Variants in LRCH1 observed in about 807,000 individuals in gnomAD.
LRCH1 encodes the protein leucine-rich repeat and calponin homology domain-containing protein 1.
LRCH1 carries 23 observed loss-of-function variants against 94.9 expected under a neutral mutation model. The observed-to-expected ratio is 0.24, with a 90% CI of 0.17 to 0.34. The LOEUF is 0.34. Ranked by LOEUF, LRCH1 falls within the 10% of genes least tolerant of loss-of-function variation. The pLI, the probability that LRCH1 is intolerant of heterozygous loss-of-function variation, is 1.00. For missense variants in LRCH1, 790 were observed against 945.9 expected (o/e 0.84, Z 2.16); for synonymous variants, 364 against 354.9 (o/e 1.03, Z -0.29).
chr13:46,556,508 G>A (rs939779712), intron 1 of LRCH1, among the ~76,000 whole-genome samples: 1 of 152,142 alleles, frequency 6.6e-6, no homozygotes, highest in Non-Finnish European at 1.5e-5. Context: ...TGCAGTGAGT[G>A]ACACAGGTGT....
rs187534160 is a variant in LRCH1 at position 46,717,658 on chromosome 13, A to G, written c.1759+1994A>G. 2.0e-5 allele frequency: 3 copies of G among 152,364 alleles called. No homozygotes were observed. In the East Asian group the frequency reaches 5.8e-4, roughly 29 times the overall value. The allele number at this position is 152,364 out of a possible 1,614,324, so 9.4% of individuals were successfully genotyped here. A position where few individuals can be genotyped will look rare whatever the true frequency, so the allele number is the denominator to read the frequency against. The stretch of plus-strand genomic sequence containing the variant: ...AATGCTATCTTTGTAAATAACCTTT[A>G]TAAATAAACATTATCTTATTACCAG... On this transcript the variant is annotated intron_variant, in intron 16 of 19. Transcript: ENST00000389797.
chr13:46,553,813 G>T, intron 1 of LRCH1, 110 bp downstream of exon 1: 1 of 1,533,914 alleles, frequency 6.5e-7, no homozygotes, highest in East Asian at 2.5e-5. Flanking sequence ...GGGGAGGGAG[G>T]GTCCATCGGC....
intron 13 of LRCH1, 66 bp from the exon 14 acceptor site, chr13:46,711,725 G>T: frequency 1.6e-6 from 2 of 1,228,978 alleles, no homozygotes; most frequent in South Asian, 1.3e-5. Flanking sequence ...TAAGAAAGAT[G>T]AATTTCTTGC....
At chr13:46,638,828 C>CGT (rs1264119334) in intron 1 of LRCH1, among the ~76,000 whole-genome samples, 1 of 152,164 alleles carries the variant, frequency 6.6e-6, no homozygotes, top group Non-Finnish European at 1.5e-5. Flanking sequence ...CATACGTGGA[C>CGT]GTGCTGTTTA....
Position 46,589,957 on chromosome 13 carries a change from G to C in LRCH1, c.307+36254G>C, listed in dbSNP as rs1201416246. ...GAAAGAGACCAGGCCACTTGCCTTG[G>C]AGGACATCCCACATGGAGGATGTGT... On this transcript the variant is annotated intron_variant, in intron 1 of 19. Coordinates refer to ENST00000389797, the MANE Select transcript of LRCH1 (RefSeq NM_001164211.2). Among the ~76,000 whole-genome samples the C allele has an allele frequency of 4.0e-5, 6 of 151,448 alleles. 1 individual carries two copies. The highest frequency in any genetic ancestry group is 1.5e-4 in the African/African-American group (6 of 41,210).
At chr13:46,653,443 A>C (rs923400808) in intron 2 of LRCH1, among the ~76,000 whole-genome samples, 1 of 152,212 alleles carries the variant, frequency 6.6e-6, no homozygotes, top group Non-Finnish European at 1.5e-5. Context: ...CTATCCTCTA[A>C]AGTTTTTGAA....
intron 3 of LRCH1, among the ~76,000 whole-genome samples, chr13:46,678,521 A>G (rs867664478): frequency 4.6e-5 from 7 of 152,218 alleles, no homozygotes; most frequent in Admixed American, 1.3e-4. Context: ...AGTGCAGAGT[A>G]CTATTAAAAT....
At chr13:46,598,510 A>T (rs1647610700) in intron 1 of LRCH1, among the ~76,000 whole-genome samples, 1 of 151,958 alleles carries the variant, frequency 6.6e-6, no homozygotes, top group South Asian at 2.1e-4. Flanking sequence ...GGTAAATAAA[A>T]TTTAATTTCA....
chr13:46,749,119 T>C (rs551089237), downstream of LRCH1, among the ~76,000 whole-genome samples: 128 of 152,282 alleles, frequency 8.4e-4, no homozygotes, highest in African/African-American at 3.0e-3. Context: ...AGCACACCAA[T>C]TGGCTTCCTG....
chr13:46,749,701 C>G (rs189441338), downstream of LRCH1, among the ~76,000 whole-genome samples: 4 of 152,230 alleles, frequency 2.6e-5, no homozygotes, highest in African/African-American at 7.2e-5. Flanking sequence ...GAATATTTGC[C>G]GTGGTGTCTT....
At chr13:46,675,672 G>A (rs1405874783) in intron 3 of LRCH1, among the ~76,000 whole-genome samples, 1 of 152,164 alleles carries the variant, frequency 6.6e-6, no homozygotes, top group African/African-American at 2.4e-5. Context: ...ATCTCTGAGG[G>A]AGATAACAGC....
At chr13:46,738,061 A>C (rs559454715) in intron 19 of LRCH1, among the ~76,000 whole-genome samples, 1 of 152,210 alleles carries the variant, frequency 6.6e-6, no homozygotes, top group Non-Finnish European at 1.5e-5. Flanking sequence ...GAGGGGAGTT[A>C]GAATAGAAAT....
intron 16 of LRCH1, among the ~76,000 whole-genome samples, chr13:46,716,382 A>C (rs1370242780): frequency 6.6e-6 from 1 of 152,206 alleles, no homozygotes; most frequent in East Asian, 1.9e-4. Flanking sequence ...TCTGCACACC[A>C]CCTATATCGT....
intron 2 of LRCH1, among the ~76,000 whole-genome samples, chr13:46,654,271 C>T (rs1593327134): frequency 6.6e-6 from 1 of 152,228 alleles, no homozygotes; most frequent in East Asian, 1.9e-4. Flanking sequence ...CTCAGAATAT[C>T]ATGCTTGTGT....
In LRCH1 at chr13:46,673,888, C is replaced by T. The variant is rs574120617; in HGVS notation, c.579+4732C>T. ...CTCCGCCTCCCAGGTTCAAGCAATT[C>T]TCCTGCCTCAGCCTCCCAACTAGCT... On this transcript the variant is annotated intron_variant, in intron 3 of 19. Coordinates refer to ENST00000389797, the MANE Select transcript of LRCH1 (RefSeq NM_001164211.2). Among the ~76,000 whole-genome samples the T allele has an allele frequency of 2.0e-3, 305 of 152,194 alleles. 1 individual carries two copies. The highest frequency in any genetic ancestry group is 0.01 in the Middle Eastern group (3 of 294).
At chr13:46,577,816 C>T (rs1018982553) in intron 1 of LRCH1, among the ~76,000 whole-genome samples, 11 of 152,154 alleles carry the variant, frequency 7.2e-5, no homozygotes, top group Non-Finnish European at 1.2e-4. Flanking sequence ...TATTTTGGAC[C>T]GATTTCCGGT....
Position 46,742,744 on chromosome 13 carries a change from T to A in LRCH1, c.*896T>A, listed in dbSNP as rs1379632618. 9 of 985,488 alleles carry A rather than the reference T, an allele frequency of 9.1e-6. No individual in the cohort carries two copies. Among genetic ancestry groups the A allele is most frequent in the Non-Finnish European group, 1.1e-5 (9 of 829,942 alleles). The allele number at this position is 985,488 out of a possible 1,614,324, so 61.0% of individuals were successfully genotyped here. ...CGGTCCAGAATGTGACGGATTCGAC[T>A]CTATTCATTTTCAAATAAAGCCATG... On this transcript the variant is annotated 3_prime_UTR_variant, in exon 20 of 20. Coordinates refer to ENST00000389797, the MANE Select transcript of LRCH1 (RefSeq NM_001164211.2).
chr13:46,638,574 A>G (rs1210504154), intron 1 of LRCH1, among the ~76,000 whole-genome samples: 1 of 152,260 alleles, frequency 6.6e-6, no homozygotes, highest in Non-Finnish European at 1.5e-5. Flanking sequence ...GCTTAGTGGA[A>G]CTATAATTTA....
intron 17 of LRCH1, among the ~76,000 whole-genome samples, chr13:46,728,204 A>C (rs376564982): frequency 6.6e-6 from 1 of 151,774 alleles, no homozygotes; most frequent in Non-Finnish European, 1.5e-5. Context: ...GGTGTGAGCC[A>C]CCACTCCTGG....
Sources: allele counts gnomAD v4.1 joint callset (sites outside exome capture counted in the v4.1 genomes callset), GRCh38; gene constraint gnomAD v4.1.1; transcripts MANE v1.5; gene names NCBI Gene and HGNC (gene_info 2026-07-23, HGNC 2026-07-21).